The following PHF2 variants were observed in gnomAD, a reference collection of about 807,000 sequenced individuals.
PHF2 encodes lysine-specific demethylase PHF2.
In PHF2, 27 loss-of-function variants were observed where a neutral mutation model predicts 120.5. That is an observed-to-expected ratio of 0.22 (90% CI 0.17 to 0.31). PHF2 has a LOEUF of 0.31. Ranked by LOEUF, PHF2 falls within the 10% of genes least tolerant of loss-of-function variation. The probability of loss-of-function intolerance (pLI) is 1.00; values close to 1 mark genes in which losing one functional copy is unlikely to be tolerated. For synonymous variants in PHF2, 568 were observed against 592.5 expected, an observed-to-expected ratio of 0.96 and a Z score of 0.60; for missense variants, 1,024 against 1,434.8, an observed-to-expected ratio of 0.71 and a Z score of 4.63.
In PHF2 at chr9:93,678,108, A is replaced by G. The variant is rs1826953899; in HGVS notation, c.*432A>G. The G allele has an allele frequency of 6.2e-6, 1 of 160,394 alleles. No individual in the cohort carries two copies. The highest frequency in any genetic ancestry group is 2.4e-5 in the African/African-American group (1 of 41,710). The allele number at this position is 160,394 out of a possible 1,614,324, so 9.9% of individuals were successfully genotyped here. ...TGGCAGCCTCCAGGGGCTTAAAAAA[A>G]AAGGCAAAGAACACAGAAAGAGGAG... On this transcript the variant is annotated 3_prime_UTR_variant, in exon 22 of 22. Coordinates refer to ENST00000359246, the MANE Select transcript of PHF2 (RefSeq NM_005392.4).
chr9:93,624,484 G>A (rs1186734849), intron 1 of PHF2, among the ~76,000 whole-genome samples: 4 of 133,280 alleles, frequency 3.0e-5, no homozygotes, highest in African/African-American at 7.5e-5. Context: ...TGGCGGTGAT[G>A]GTGATGGTGG....
chr9:93,585,609 A>G (rs1406645162), intron 1 of PHF2, among the ~76,000 whole-genome samples: 2 of 152,348 alleles, frequency 1.3e-5, no homozygotes, highest in East Asian at 3.9e-4. Flanking sequence ...AAACATGAGG[A>G]TCTGATTGGC....
intron 1 of PHF2, among the ~76,000 whole-genome samples, chr9:93,626,201 C>T (rs1260009494): frequency 6.6e-6 from 1 of 152,162 alleles, no homozygotes; most frequent in African/African-American, 2.4e-5. Flanking sequence ...TGAGATCATG[C>T]CACTGCATTC....
intron 5 of PHF2, among the ~76,000 whole-genome samples, chr9:93,652,238 C>G (rs753301717): frequency 1.3e-5 from 2 of 149,062 alleles, no homozygotes; most frequent in Non-Finnish European, 3.0e-5. Flanking sequence ...ACCCCCAGAT[C>G]TGGTTCTTAG....
In PHF2 at chr9:93,604,469, C is replaced by CT. The variant is rs767869117; in HGVS notation, c.99-25488dup. Among the ~76,000 whole-genome samples the CT allele has an allele frequency of 4.9e-3, 699 of 141,406 alleles. 5 individuals are homozygous for CT. Among genetic ancestry groups the CT allele is most frequent in the African/African-American group, 0.014 (544 of 38,726 alleles). The allele number at this position is 141,406 out of a possible 152,430, so 92.8% of individuals were successfully genotyped here. A position where few individuals can be genotyped will look rare whatever the true frequency, so the allele number is the denominator to read the frequency against. On this transcript the variant is annotated intron_variant, in intron 1 of 21. Coordinates refer to ENST00000359246, the MANE Select transcript of PHF2 (RefSeq NM_005392.4). ...GAAACAGAATTTCTTTATTTTCTTT[C>CT]TTTTTTTTTTTTTGAGACAGAGTCT...
At chr9:93,667,812 C>G (rs1826710471) in intron 17 of PHF2, among the ~76,000 whole-genome samples, 1 of 152,062 alleles carries the variant, frequency 6.6e-6, no homozygotes, top group Non-Finnish European at 1.5e-5. Flanking sequence ...GGGGGGTTGA[C>G]TAATGCTGGG....
chr9:93,633,704 G>A (rs1268857649), intron 2 of PHF2, among the ~76,000 whole-genome samples: 1 of 152,222 alleles, frequency 6.6e-6, no homozygotes, highest in Non-Finnish European at 1.5e-5. Flanking sequence ...CCCGCCCCAC[G>A]AGAGAGGAGG....
intron 14 of PHF2, among the ~76,000 whole-genome samples, chr9:93,664,205 C>T (rs1233737581): frequency 6.6e-6 from 1 of 152,050 alleles, no homozygotes; most frequent in Non-Finnish European, 1.5e-5. Flanking sequence ...CAACATGGGA[C>T]CCTGGGTGCT....
At chr9:93,649,685 TCA>T (rs869290336) in intron 5 of PHF2, among the ~76,000 whole-genome samples, 4 of 121,434 alleles carry the variant, frequency 3.3e-5, no homozygotes, top group East Asian at 2.5e-4. Flanking sequence ...GTGGACACAC[TCA>T]TGACACTCAC....
Position 93,656,875 on chromosome 9 carries a change from G to T in PHF2, c.1147+280G>T, listed in dbSNP as rs568496456. On this transcript the variant is annotated intron_variant, in intron 9 of 21. Coordinates refer to ENST00000359246, the MANE Select transcript of PHF2 (RefSeq NM_005392.4). This position sits in a 1 kb window ranked among gnomAD's most constrained non-coding sequence, Gnocchi z 4.1. Reference sequence around the variant, plus strand: ...GTGAGTGTGCATGGCCTCAGTGCAGGTATCAATCACACCTGCTCCACCCTC... The same window carrying T: ...GTGAGTGTGCATGGCCTCAGTGCAGTTATCAATCACACCTGCTCCACCCTC... 5.3e-5 allele frequency among the ~76,000 whole-genome samples: 8 copies of T among 152,288 alleles called. No homozygotes were observed. In the South Asian group the frequency reaches 1.5e-3, roughly 28 times the overall value.
chr9:93,635,854 G>A lies in PHF2; in HGVS notation c.185-557G>A, dbSNP rs140523724. 1.5e-3 allele frequency among the ~76,000 whole-genome samples: 232 copies of A among 152,318 alleles called. 1 individual carries two copies. Among genetic ancestry groups the A allele is most frequent in the African/African-American group, 5.4e-3 (223 of 41,570 alleles). ...GAAGTAGGTGGGGTAGACAGGCCCA[G>A]GGTTGGCGGTGGTCAGGGGAGGGCT... is the stretch of plus-strand genomic sequence containing the variant. On this transcript the variant is annotated intron_variant, in intron 2 of 21. Coordinates refer to ENST00000359246, the MANE Select transcript of PHF2 (RefSeq NM_005392.4).
intron 3 of PHF2, among the ~76,000 whole-genome samples, chr9:93,639,941 G>A (rs1017062120): frequency 1.3e-5 from 2 of 152,200 alleles, no homozygotes; most frequent in African/African-American, 4.8e-5. Context: ...AAATATCACA[G>A]ACTGTTCTTA....
chr9:93,669,968 A>T (rs1826753053), intron 17 of PHF2, among the ~76,000 whole-genome samples: 1 of 152,060 alleles, frequency 6.6e-6, no homozygotes, highest in Non-Finnish European at 1.5e-5. Flanking sequence ...TTCTTGTCTC[A>T]CATGTGTGCT....
intron 12 of PHF2, 34 bp from the exon 13 acceptor site, chr9:93,662,873 T>G (rs1564399502): frequency 6.2e-7 from 1 of 1,612,596 alleles, no homozygotes; most frequent in South Asian, 1.1e-5. Flanking sequence ...GCCCTCTATG[T>G]CTGCCTCTGG....
rs533438772 is a variant in PHF2, at chr9:93,606,511, T to C, written c.99-23459T>C. The stretch of plus-strand genomic sequence containing the variant: ...ACTTATTTGCTATCCGTATATCTTC[T>C]TTAGTGAAGTGTTTGTTTAGTTATT... On this transcript the variant is annotated intron_variant, in intron 1 of 21. Coordinates refer to ENST00000359246, the MANE Select transcript of PHF2 (RefSeq NM_005392.4). Among the ~76,000 whole-genome samples the C allele has an allele frequency of 3.3e-5, 5 of 152,378 alleles. No individual in the cohort carries two copies. The East Asian group carries it at 9.6e-4, about 29-fold the overall frequency.
Position 93,673,804 on chromosome 9 carries a change from G to A in PHF2, c.2568G>A (p.Leu856=), listed in dbSNP as rs548256223. The A allele has an allele frequency of 1.7e-5, 28 of 1,611,490 alleles. No homozygotes were observed. Among genetic ancestry groups the A allele is most frequent in the Middle Eastern group, 1.6e-4 (1 of 6,070 alleles). ...GGGCTGCCAAGAACAGTGTCGACCT[G>A]GACGACTACGAGGAAGAGCAGGACC... ...LKRAAKNSVD[L]DDYEEEQDHL... The change falls in exon 18 of 22, where the codon CTG becomes CTA. Residue 856 remains leucine (L), a synonymous_variant. Coordinates refer to ENST00000359246, the MANE Select transcript of PHF2 (RefSeq NM_005392.4).
intron 7 of PHF2, among the ~76,000 whole-genome samples, chr9:93,655,593 A>C: frequency 6.6e-6 from 1 of 152,324 alleles, no homozygotes; most frequent in East Asian, 1.9e-4. Flanking sequence ...TGCCCCCTCA[A>C]GTGGTCTGAG....
chr9:93,590,145 T>A lies in PHF2; in HGVS notation c.98+13274T>A, dbSNP rs895828443. On this transcript the variant is annotated intron_variant, in intron 1 of 21. Coordinates refer to ENST00000359246, the MANE Select transcript of PHF2 (RefSeq NM_005392.4). ...AATCGTCAGATTGGTTGTACTGATT[T>A]CTCTACACACTGGGCAACACATTTT... Among the ~76,000 whole-genome samples the A allele has an allele frequency of 2.6e-5, 4 of 152,238 alleles. No homozygotes were observed. The East Asian group carries it at 5.8e-4, about 22-fold the overall frequency.
intron 7 of PHF2, 92 bp from the exon 8 acceptor site, chr9:93,655,842 G>C (rs1826449559): frequency 1.1e-6 from 1 of 906,544 alleles, no homozygotes; most frequent in Non-Finnish European, 1.7e-6. Flanking sequence ...GGAAAGGCCT[G>C]TGCTGGTCTC....
Sources: allele counts gnomAD v4.1 joint callset (sites outside exome capture counted in the v4.1 genomes callset), GRCh38; gene constraint gnomAD v4.1.1; non-coding constraint Gnocchi (gnomAD v3.1); transcripts MANE v1.5; gene names NCBI Gene and HGNC (gene_info 2026-07-23, HGNC 2026-07-21).